The following ATRX variants were observed in gnomAD, a reference collection of about 807,000 sequenced individuals.
ATRX encodes chromatin remodeler ATRX.
In ATRX, 12 loss-of-function variants were observed where a neutral mutation model predicts 172.6. That is an observed-to-expected ratio of 0.07 (90% CI 0.04 to 0.11). The LOEUF is 0.11. Among genes scored for constraint, ATRX ranks in the 10% least tolerant of loss-of-function variants. The pLI, the probability that ATRX is intolerant of heterozygous loss-of-function variation, is 1.00. For missense variants in ATRX, 1,368 were observed against 1,767.4 expected (o/e 0.77, Z 4.05); for synonymous variants, 674 against 594.7 (o/e 1.13, Z -1.94).
chrX:77,740,077 A>AT (rs1557181316), intron 1 of ATRX, among the ~76,000 whole-genome samples: 1,580 of 54,950 alleles, frequency 0.029, 113 homozygotes, highest in East Asian at 0.069. Flanking sequence ...AAAAAAAAAA[A>AT]TTTTTAAAAA....
chrX:77,514,501 T>TG (rs1557038229), intron 34 of ATRX, among the ~76,000 whole-genome samples: 1 of 111,592 alleles, frequency 9.0e-6, no homozygotes, highest in Non-Finnish European at 1.9e-5. Flanking sequence ...AAACAAGTAA[T>TG]GGGAAAAGGA....
Position 77,654,188 on chromosome X carries a change from T to C in ATRX, c.4227A>G (p.Lys1409=), listed in dbSNP as rs1158826034. The C allele has an allele frequency of 2.5e-6, 3 of 1,206,261 alleles. No homozygotes were observed. Among genetic ancestry groups the C allele is most frequent in the African/African-American group, 1.7e-5 (1 of 57,281 alleles). The change falls in exon 14 of 35, where the codon AAA becomes AAG. Residue 1409 remains lysine, a synonymous_variant. Transcript: ENST00000373344. ...EQRPRTRSAK[K]AELEENQRSY... ...TCCGCTGATTTTCTTCCAACTCTGC[T>C]TTCTTTGCAGACCTGACGAAAATTT...
In ATRX at chrX:77,693,818, A is replaced by G; in HGVS notation, c.484+6T>C. On this transcript the variant is annotated splice_donor_region_variant and intron_variant, in intron 6 of 34. Coordinates refer to ENST00000373344, the MANE Select transcript of ATRX (RefSeq NM_000489.6). The stretch of plus-strand genomic sequence containing the variant: ...AAATTCATGTTTCATTTTCACTTGT[A>G]TTTACCTCCGCGTTTTTTGAGATTT... 4.2e-6 allele frequency: 5 copies of G among 1,185,272 alleles called. No individual in the cohort carries two copies. Among genetic ancestry groups the G allele is most frequent in the Non-Finnish European group, 5.7e-6 (5 of 871,853 alleles).
At chrX:77,598,828 A>C (rs1346213348) in intron 25 of ATRX, among the ~76,000 whole-genome samples, 1 of 112,380 alleles carries the variant, frequency 8.9e-6, no homozygotes, top group Non-Finnish European at 1.9e-5. Flanking sequence ...GAAAGAAAAC[A>C]AAAGAGGTGA....
chrX:77,510,602 C>T (rs781867049), intron 34 of ATRX, among the ~76,000 whole-genome samples: 2 of 101,861 alleles, frequency 2.0e-5, no homozygotes, highest in South Asian at 8.8e-4. Flanking sequence ...GCATTTAACA[C>T]AAGCTGACTG....
At chrX:77,530,182 C>T (rs1196039839) in intron 30 of ATRX, among the ~76,000 whole-genome samples, 4 of 111,806 alleles carry the variant, frequency 3.6e-5, no homozygotes, top group African/African-American at 9.8e-5. Context: ...ACAACCTGCT[C>T]CTTAATGACT....
intron 1 of ATRX, among the ~76,000 whole-genome samples, chrX:77,718,330 G>C (rs1444744646): frequency 9.3e-6 from 1 of 107,172 alleles, no homozygotes; most frequent in South Asian, 4.1e-4. Context: ...CCATCGCCCA[G>C]GGAAATATTT....
At chrX:77,599,955 G>T in intron 23 of ATRX, 135 bp from the exon 24 acceptor site, 2 of 533,165 alleles carry the variant, frequency 3.8e-6, no homozygotes, top group Non-Finnish European at 6.4e-6. Flanking sequence ...GATTTTAGTA[G>T]ACAAAGAAGA....
rs2148581137 is a variant in ATRX, at chrX:77,682,131, C to G, written c.3125G>C (p.Gly1042Ala). The change falls in exon 9 of 35, where the codon GGA (glycine) becomes GCA (alanine). Residue 1042 changes from glycine (G) to alanine (A), a missense_variant. Gly to Ala is a moderately conservative substitution (Grantham distance 60). Transcript: ENST00000373344. ...IKQIKNGTTD[G>A]EKKSKKIRDK... ...TCTTATTTTTTTACTTTTCTTTTCT[C>G]CATCAGTTGTTCCATTCTTAATTTG... The G allele has an allele frequency of 1.7e-6, 2 of 1,210,223 alleles. No homozygotes were observed. Among genetic ancestry groups the G allele is most frequent in the Non-Finnish European group, 2.2e-6 (2 of 894,425 alleles).
intron 2 of ATRX, among the ~76,000 whole-genome samples, chrX:77,716,604 A>G (rs1355683098): frequency 9.2e-6 from 1 of 109,186 alleles, no homozygotes; most frequent in Admixed American, 1.0e-4. Context: ...TTAGCCAAAC[A>G]TGGTGGCAGA....
At position 77,757,252 on chromosome X, in the gene ATRX, C is replaced by T. The variant is rs140396809; in HGVS notation, c.20+28730G>A. Among the ~76,000 whole-genome samples the T allele has an allele frequency of 2.5e-4, 28 of 111,803 alleles. 1 individual carries two copies. The East Asian group carries it at 7.6e-3, about 30-fold the overall frequency. ...ATCTTGGTATTGTCTCCACTGCACA[C>T]ATGAAGAAACAACTCAGATGCTGGG... is the stretch of plus-strand genomic sequence containing the variant. On this transcript the variant is annotated intron_variant, in intron 1 of 34. Transcript: ENST00000373344.
chrX:77,588,613 A>G (rs2066121990), intron 27 of ATRX, among the ~76,000 whole-genome samples: 1 of 111,052 alleles, frequency 9.0e-6, no homozygotes, highest in African/African-American at 3.3e-5. Flanking sequence ...ACGAAAAATT[A>G]AAAATAAATA....
intron 12 of ATRX, among the ~76,000 whole-genome samples, chrX:77,662,148 C>T (rs557892293): frequency 5.4e-5 from 6 of 111,549 alleles, no homozygotes; most frequent in Admixed American, 9.6e-5. Flanking sequence ...TATATAATTA[C>T]GTTACACAAA....
At chrX:77,784,583 T>A (rs2076670919) in intron 1 of ATRX, among the ~76,000 whole-genome samples, 1 of 111,807 alleles carries the variant, frequency 8.9e-6, no homozygotes, top group African/African-American at 3.3e-5. Flanking sequence ...TTATACTGGG[T>A]ACCACTTACG....
chrX:77,732,263 G>A (rs781926326), intron 1 of ATRX, among the ~76,000 whole-genome samples: 7 of 111,395 alleles, frequency 6.3e-5, no homozygotes, highest in East Asian at 2.8e-4. Context: ...GCCAGGTCCC[G>A]CACTCACTCA....
intron 22 of ATRX, among the ~76,000 whole-genome samples, chrX:77,615,318 C>T (rs1160145728): frequency 9.0e-6 from 1 of 111,165 alleles, no homozygotes; most frequent in Non-Finnish European, 1.9e-5. Context: ...TTATTAAAGA[C>T]AACTAATTCT....
At chrX:77,548,863 C>A in intron 30 of ATRX, among the ~76,000 whole-genome samples, 1 of 111,988 alleles carries the variant, frequency 8.9e-6, no homozygotes. Flanking sequence ...AGAAAACAAA[C>A]CTAAAGCCTC....
chrX:77,767,608 T>C (rs1557196936), intron 1 of ATRX, among the ~76,000 whole-genome samples: 3 of 110,885 alleles, frequency 2.7e-5, no homozygotes, highest in Non-Finnish European at 5.7e-5. Context: ...TTGGCCAGGC[T>C]GGTCTTGAAC....
intron 19 of ATRX, among the ~76,000 whole-genome samples, chrX:77,627,633 T>C (rs2067927528): frequency 9.7e-6 from 1 of 103,307 alleles, no homozygotes; most frequent in Admixed American, 1.1e-4. Flanking sequence ...CATCTCCAAA[T>C]AATTATCTAG....
Sources: gnomAD v4.1 joint callset for allele counts (sites outside exome capture counted in the v4.1 genomes callset) on GRCh38, gnomAD v4.1.1 for gene constraint, MANE v1.5 for transcripts, NCBI Gene and HGNC (gene_info 2026-07-23, HGNC 2026-07-21) for gene names.